Variants in CMTM8 observed in about 807,000 individuals in gnomAD.
The protein encoded by CMTM8 is CKLF like MARVEL transmembrane domain containing 8.
A neutral mutation model predicts 18.6 loss-of-function variants in CMTM8; 12 were observed. The ratio of observed to expected loss-of-function variants is 0.65; its 90% confidence interval spans 0.41 to 1.05. The LOEUF (loss-of-function observed/expected upper bound fraction) is 1.05. CMTM8 is among the 50% of genes least tolerant of loss of function. The pLI, the probability that CMTM8 is intolerant of heterozygous loss-of-function variation, is 0.00. For missense variants in CMTM8, 217 were observed against 227.2 expected (o/e 0.95, Z 0.29); for synonymous variants, 87 against 90.6 (o/e 0.96, Z 0.23).
intron 1 of CMTM8, among the ~76,000 whole-genome samples, chr3:32,256,599 G>A (rs989477145): frequency 6.6e-6 from 1 of 152,178 alleles, no homozygotes; most frequent in Non-Finnish European, 1.5e-5. Context: ...AGGAGAAATG[G>A]CTTATGAAAG....
chr3:32,251,293 A>G (rs1259379329), intron 1 of CMTM8, among the ~76,000 whole-genome samples: 2 of 152,058 alleles, frequency 1.3e-5, no homozygotes, highest in East Asian at 1.9e-4. Flanking sequence ...AAATATGCTT[A>G]TTAGACATCT....
intron 1 of CMTM8, among the ~76,000 whole-genome samples, chr3:32,247,577 C>T (rs188840734): frequency 2.0e-5 from 3 of 152,034 alleles, no homozygotes; most frequent in Non-Finnish European, 4.4e-5. Flanking sequence ...CCACCCACCT[C>T]GACCTCCCCA....
intron 1 of CMTM8, among the ~76,000 whole-genome samples, chr3:32,345,364 C>T (rs1358396093): frequency 6.6e-6 from 1 of 151,738 alleles, no homozygotes; most frequent in Admixed American, 6.6e-5. Flanking sequence ...CAAAAAACAA[C>T]AATTTTTTTT....
rs556796218 is a variant in CMTM8, at chr3:32,299,138, C to T, written c.148-58235C>T. On this transcript the variant is annotated intron_variant, in intron 1 of 3. Transcript: ENST00000307526. ...GGGATCACACCTCAAAGAGTCCTGA[C>T]GTATTTTCATAGAAAACAGCCCATG... Among the ~76,000 whole-genome samples, 22 of 151,720 alleles carry T rather than the reference C, an allele frequency of 1.5e-4. No individual in the cohort carries two copies. In the South Asian group the frequency reaches 4.6e-3, roughly 32 times the overall value.
At chr3:32,268,184 C>T (rs562199132) in intron 1 of CMTM8, among the ~76,000 whole-genome samples, 29 of 152,218 alleles carry the variant, frequency 1.9e-4, no homozygotes, top group African/African-American at 5.5e-4. Context: ...GCAAAGACTT[C>T]GAACCAAGCC....
intron 1 of CMTM8, among the ~76,000 whole-genome samples, chr3:32,337,719 G>A (rs747926716): frequency 2.0e-5 from 3 of 152,160 alleles, no homozygotes; most frequent in Non-Finnish European, 4.4e-5. Flanking sequence ...GTCTGGGTGT[G>A]ACCTAAAAGT....
chr3:32,332,753 G>A (rs545103327), intron 1 of CMTM8, among the ~76,000 whole-genome samples: 7 of 152,208 alleles, frequency 4.6e-5, no homozygotes, highest in African/African-American at 1.4e-4. Flanking sequence ...AGACAGCCTT[G>A]GTCAGTGATT....
In CMTM8 at chr3:32,321,208, C is replaced by T. The variant is rs977980279; in HGVS notation, c.148-36165C>T. 7.9e-5 allele frequency among the ~76,000 whole-genome samples: 12 copies of T among 151,946 alleles called. No individual in the cohort carries two copies. In the East Asian group the frequency reaches 1.7e-3, roughly 22 times the overall value. ...GGGCCAGCATTGTTTCCCAGAGAAA[C>T]GTGACGCTGGTTAAACAACACTGGG... On this transcript the variant is annotated intron_variant, in intron 1 of 3. Coordinates refer to ENST00000307526, the MANE Select transcript of CMTM8 (RefSeq NM_178868.5).
chr3:32,298,418 G>A (rs1262541409), intron 1 of CMTM8, among the ~76,000 whole-genome samples: 1 of 148,414 alleles, frequency 6.7e-6, no homozygotes, highest in Non-Finnish European at 1.5e-5. Context: ...AAAATACAGA[G>A]ATACTATAAA....
intron 1 of CMTM8, among the ~76,000 whole-genome samples, chr3:32,260,411 C>A (rs1702240527): frequency 6.6e-6 from 1 of 152,178 alleles, no homozygotes; most frequent in South Asian, 2.1e-4. Flanking sequence ...TGCATTTCAG[C>A]AGAAATATAA....
chr3:32,294,711 C>G (rs186558115), intron 1 of CMTM8, among the ~76,000 whole-genome samples: 1 of 152,326 alleles, frequency 6.6e-6, no homozygotes, highest in African/African-American at 2.4e-5. Flanking sequence ...GCCCTGCCTT[C>G]CATGTGCCCT....
At chr3:32,281,428 T>C (rs1702608947) in intron 1 of CMTM8, among the ~76,000 whole-genome samples, 5 of 152,158 alleles carry the variant, frequency 3.3e-5, no homozygotes, top group Admixed American at 3.3e-4. Flanking sequence ...TCTTACCTTT[T>C]TTAAATGAAT....
intron 1 of CMTM8, among the ~76,000 whole-genome samples, chr3:32,319,974 C>T (rs1173693308): frequency 6.6e-6 from 1 of 152,140 alleles, no homozygotes; most frequent in Non-Finnish European, 1.5e-5. Context: ...ATGCTCTGCT[C>T]CATGCAGCTT....
intron 1 of CMTM8, among the ~76,000 whole-genome samples, chr3:32,331,806 C>T (rs887357765): frequency 7.9e-5 from 12 of 152,108 alleles, no homozygotes; most frequent in African/African-American, 2.7e-4. Context: ...TGCATGCTTT[C>T]ACTTATATAA....
intron 1 of CMTM8, among the ~76,000 whole-genome samples, chr3:32,333,374 A>G (rs552425243): frequency 2.2e-4 from 33 of 152,290 alleles, no homozygotes; most frequent in Admixed American, 9.8e-4. Context: ...TGTTCTGTGG[A>G]CCAACAGCAC....
At chr3:32,257,758 A>G (rs906591764) in intron 1 of CMTM8, among the ~76,000 whole-genome samples, 12 of 151,816 alleles carry the variant, frequency 7.9e-5, no homozygotes, top group East Asian at 1.9e-4. Context: ...TTCTTCAGTC[A>G]TTTGGTGATT....
intron 1 of CMTM8, among the ~76,000 whole-genome samples, chr3:32,308,668 T>C (rs1441167473): frequency 1.3e-5 from 2 of 152,172 alleles, no homozygotes; most frequent in Non-Finnish European, 2.9e-5. Flanking sequence ...TAAGAATACA[T>C]GGAAAGCCCT....
chr3:32,323,552 C>G (rs1001848177), intron 1 of CMTM8, among the ~76,000 whole-genome samples: 5 of 152,112 alleles, frequency 3.3e-5, no homozygotes, highest in Admixed American at 2.6e-4. Flanking sequence ...ACCTGTTGTT[C>G]TTGGACCAGA....
At chr3:32,302,037 A>G (rs1695628188) in intron 1 of CMTM8, among the ~76,000 whole-genome samples, 1 of 150,936 alleles carries the variant, frequency 6.6e-6, no homozygotes, top group East Asian at 1.9e-4. Flanking sequence ...TTTTTTCTTA[A>G]TAAGAATAGC....
Sources: gnomAD v4.1 joint callset for allele counts (sites outside exome capture counted in the v4.1 genomes callset) on GRCh38, gnomAD v4.1.1 for gene constraint, MANE v1.5 for transcripts, NCBI Gene and HGNC (gene_info 2026-07-23, HGNC 2026-07-21) for gene names.